Variants in CNTRL observed in about 807,000 individuals in gnomAD.
CNTRL encodes the protein centriolin.
CNTRL carries 233 observed loss-of-function variants against 303.7 expected under a neutral mutation model. The ratio of observed to expected loss-of-function variants is 0.77; its 90% confidence interval spans 0.69 to 0.86. The LOEUF (loss-of-function observed/expected upper bound fraction) is 0.86, where lower values mean the gene tolerates loss of function less well. CNTRL is among the 40% of genes least tolerant of loss of function. The pLI, the probability that CNTRL is intolerant of heterozygous loss-of-function variation, is 0.00. For missense variants in CNTRL, 2,524 were observed against 2,650.6 expected, an observed-to-expected ratio of 0.95 and a Z score of 1.05; for synonymous variants, 900 against 922.2, an observed-to-expected ratio of 0.98 and a Z score of 0.44.
Position 121,174,709 on chromosome 9 carries a change from C to G in CNTRL, c.6748-309C>G, listed in dbSNP as rs562488704. 2.3e-4 allele frequency among the ~76,000 whole-genome samples: 35 copies of G among 151,944 alleles called. No individual in the cohort carries two copies. In the South Asian group the frequency reaches 2.7e-3, roughly 12 times the overall value. ...TATAAACTGATCTTCTCAGTCATAA[C>G]AGAAAAGGAAAAAAGAGATGAGGCA... On this transcript the variant is annotated intron_variant, in intron 42 of 43. Coordinates refer to ENST00000373855, the MANE Select transcript of CNTRL (RefSeq NM_007018.6).
chr9:121,154,375 G>A (rs774645815), intron 26 of CNTRL, among the ~76,000 whole-genome samples: 21 of 152,184 alleles, frequency 1.4e-4, no homozygotes, highest in African/African-American at 4.8e-4. Flanking sequence ...GGGAATGGAT[G>A]AATATTGTGG....
At chr9:121,115,060 T>C (rs1329463834) in intron 10 of CNTRL, 31 bp from the exon 11 acceptor site, 2 of 1,338,734 alleles carry the variant, frequency 1.5e-6, no homozygotes, top group Non-Finnish European at 1.0e-6. Context: ...TCTTGTTTCA[T>C]ATTATGTGAG....
intron 11 of CNTRL, among the ~76,000 whole-genome samples, chr9:121,117,531 C>T (rs2050033970): frequency 6.6e-6 from 1 of 152,148 alleles, no homozygotes; most frequent in South Asian, 2.1e-4. Flanking sequence ...GCGTAGTAGT[C>T]AGTGAAATTG....
intron 4 of CNTRL, among the ~76,000 whole-genome samples, 180 bp downstream of exon 4, chr9:121,090,585 A>T (rs2048524683): frequency 6.6e-6 from 1 of 152,214 alleles, no homozygotes; most frequent in Admixed American, 6.5e-5. Flanking sequence ...ATTACTCAAT[A>T]TTCTTACAAC....
chr9:121,128,607 T>C (rs1356935201), intron 14 of CNTRL, among the ~76,000 whole-genome samples: 1 of 152,244 alleles, frequency 6.6e-6, no homozygotes, highest in African/African-American at 2.4e-5. Context: ...TTCACTCTGA[T>C]GGTAGTTTCT....
At chr9:121,167,717 GT>G (rs1564301493) in intron 37 of CNTRL, 40 bp downstream of exon 37, 1 of 1,559,720 alleles carries the variant, frequency 6.4e-7, no homozygotes, top group Non-Finnish European at 8.8e-7. Flanking sequence ...AAAGCATTTT[GT>G]GGCTCATGTG....
At chr9:121,097,113 A>C (rs1320597646) in intron 6 of CNTRL, among the ~76,000 whole-genome samples, 1 of 152,094 alleles carries the variant, frequency 6.6e-6, no homozygotes, top group East Asian at 1.9e-4. Flanking sequence ...ATGATGTTGT[A>C]TATTTTTCTC....
At chr9:121,166,052 T>C in intron 35 of CNTRL, 55 bp from the exon 36 acceptor site, 1 of 1,340,182 alleles carries the variant, frequency 7.5e-7, no homozygotes, top group South Asian at 1.2e-5. Flanking sequence ...CTAATGGGAA[T>C]CTGTACAGTA....
At chr9:121,141,189 A>G (rs970378374) in intron 17 of CNTRL, among the ~76,000 whole-genome samples, 192 bp from the exon 18 acceptor site, 6 of 152,220 alleles carry the variant, frequency 3.9e-5, no homozygotes, top group African/African-American at 1.2e-4. Flanking sequence ...ATATGAGCCT[A>G]TGTTTTCAGA....
At chr9:121,091,704 C>T (rs1167427573) in intron 4 of CNTRL, among the ~76,000 whole-genome samples, 1 of 151,792 alleles carries the variant, frequency 6.6e-6, no homozygotes, top group Non-Finnish European at 1.5e-5. Context: ...ATTAGCCAGG[C>T]GTAGTGGCGG....
chr9:121,098,330 A>G, intron 6 of CNTRL, 56 bp from the exon 7 acceptor site: 1 of 1,285,386 alleles, frequency 7.8e-7, no homozygotes, highest in Non-Finnish European at 1.1e-6. Flanking sequence ...ACTTCCTTTA[A>G]GTATGTTATG....
At chr9:121,163,633 A>G (rs1021196576) in intron 34 of CNTRL, among the ~76,000 whole-genome samples, 14 of 152,148 alleles carry the variant, frequency 9.2e-5, no homozygotes, top group African/African-American at 3.4e-4. Flanking sequence ...TGTATTCAGA[A>G]TACATGTATA....
intron 39 of CNTRL, among the ~76,000 whole-genome samples, chr9:121,171,032 G>A (rs1419459111): frequency 6.6e-6 from 1 of 152,148 alleles, no homozygotes; most frequent in Non-Finnish European, 1.5e-5. Context: ...AACCATGTGT[G>A]TCTCTCAAAG....
At chr9:121,151,586 T>G (rs1463720057) in intron 25 of CNTRL, among the ~76,000 whole-genome samples, 3 of 152,056 alleles carry the variant, frequency 2.0e-5, no homozygotes, top group Non-Finnish European at 4.4e-5. Context: ...AGATGGGGGT[T>G]TCACCATGTT....
intron 1 of CNTRL, among the ~76,000 whole-genome samples, 194 bp downstream of exon 1, chr9:121,075,261 A>T (rs1259572459): frequency 6.6e-6 from 1 of 152,104 alleles, no homozygotes; most frequent in Non-Finnish European, 1.5e-5. Flanking sequence ...GGGGCGGTGG[A>T]TGAAGGAGGG....
In CNTRL at chr9:121,090,541, G is replaced by T. The variant is rs563805712; in HGVS notation, c.348+136G>T. 3 of 764,498 alleles carry T rather than the reference G, an allele frequency of 3.9e-6. No homozygotes were observed. The East Asian group carries it at 8.2e-5, about 21-fold the overall frequency. The allele number at this position is 764,498 out of a possible 1,614,324, so 47.4% of individuals were successfully genotyped here. ...TGTTTCCAGTGAATGTTCTAAATCA[G>T]AAGTATATGACATTTCCAAATTAAT... On this transcript the variant is annotated intron_variant, in intron 4 of 43. Transcript: ENST00000373855.
In CNTRL at chr9:121,173,723, G is replaced by T. The variant is rs2053408429; in HGVS notation, c.6733G>T (p.Glu2245Ter). ...EALREKLRHR[E>*]DRLKAQLRHC... ...ACTCCGGGAGAAACTGCGTCACCGG[G>T]AAGACCGACTCAAGGTTGCCCTTTA... is the stretch of plus-strand genomic sequence containing the variant. The change falls in exon 42 of 44, where the codon GAA becomes TAA. Residue 2245 changes from glutamate to a stop codon, truncating the protein, a stop_gained. Transcript: ENST00000373855. LOFTEE classifies it high-confidence loss of function. The T allele has an allele frequency of 1.9e-6, 3 of 1,614,022 alleles. No homozygotes were observed. In the East Asian group the frequency reaches 6.7e-5, roughly 36 times the overall value.
intron 16 of CNTRL, among the ~76,000 whole-genome samples, chr9:121,139,238 T>C (rs2051366317): frequency 6.6e-6 from 1 of 152,042 alleles, no homozygotes; most frequent in South Asian, 2.1e-4. Context: ...GAAAAACAGG[T>C]GGATAGGATT....
chr9:121,139,500 T>A (rs1434105027), intron 16 of CNTRL, among the ~76,000 whole-genome samples: 1 of 152,200 alleles, frequency 6.6e-6, no homozygotes, highest in African/African-American at 2.4e-5. Flanking sequence ...CTTCAAATAT[T>A]TGTTCCTTGA....
Sources: gnomAD v4.1 joint callset for allele counts (sites outside exome capture counted in the v4.1 genomes callset) on GRCh38, gnomAD v4.1.1 for gene constraint, MANE v1.5 for transcripts, NCBI Gene and HGNC (gene_info 2026-07-23, HGNC 2026-07-21) for gene names.